The following CALN1 variants were observed in gnomAD, a reference collection of about 807,000 sequenced individuals.
CALN1 encodes the protein calneuron 1.
CALN1 carries 17 observed loss-of-function variants against 30.6 expected under a neutral mutation model. That is an observed-to-expected ratio of 0.56 (90% confidence interval 0.38 to 0.83). The LOEUF (loss-of-function observed/expected upper bound fraction) is 0.83, where lower values mean the gene tolerates loss of function less well. Ranked by LOEUF, CALN1 falls within the 40% of genes least tolerant of loss-of-function variation. The pLI is 0.00. For synonymous variants in CALN1, 156 were observed against 131.4 expected (o/e 1.19, Z -1.28); for missense variants, 291 against 354.9 (o/e 0.82, Z 1.45).
At chr7:72,141,398 G>A (rs945984475) in intron 3 of CALN1, among the ~76,000 whole-genome samples, 7 of 152,184 alleles carry the variant, frequency 4.6e-5, no homozygotes, top group East Asian at 1.9e-4. Context: ...TCAAGAGTTC[G>A]AGACCAGCCC....
intron 3 of CALN1, among the ~76,000 whole-genome samples, chr7:72,142,570 C>G (rs536848559): frequency 6.6e-6 from 1 of 152,196 alleles, no homozygotes; most frequent in Non-Finnish European, 1.5e-5. Context: ...CCGAACAAAA[C>G]GCAGCAGAAA....
intron 1 of CALN1, among the ~76,000 whole-genome samples, chr7:72,442,813 G>A (rs1167929414): frequency 6.6e-6 from 1 of 152,108 alleles, no homozygotes; most frequent in African/African-American, 2.4e-5. Flanking sequence ...ATTTAGAATT[G>A]CACTTTGTTA....
At chr7:72,427,388 C>G (rs533373889) in intron 1 of CALN1, among the ~76,000 whole-genome samples, 32 of 152,294 alleles carry the variant, frequency 2.1e-4, no homozygotes, top group African/African-American at 7.7e-4. Context: ...CTGTCCAGAC[C>G]TCTCAAGCAG....
chr7:71,952,641 G>A (rs1562931246), intron 5 of CALN1, among the ~76,000 whole-genome samples: 1 of 152,254 alleles, frequency 6.6e-6, no homozygotes, highest in East Asian at 1.9e-4. Flanking sequence ...AAGAAAGCTA[G>A]TGTAGATCGC....
At chr7:72,385,301 TACTCA>T (rs981595013) in intron 2 of CALN1, among the ~76,000 whole-genome samples, 52 of 152,290 alleles carry the variant, frequency 3.4e-4, no homozygotes, top group Middle Eastern at 3.4e-3. Context: ...CTCAGGTATT[TACTCA>T]ACTCATTTGA....
At chr7:71,894,132 A>T (rs1271408584) in intron 5 of CALN1, among the ~76,000 whole-genome samples, 2 of 152,186 alleles carry the variant, frequency 1.3e-5, no homozygotes, top group Non-Finnish European at 2.9e-5. Flanking sequence ...CTTGTGGAGT[A>T]ACCCTTAGTG....
intron 1 of CALN1, among the ~76,000 whole-genome samples, chr7:72,406,287 A>C (rs4615448): frequency 1.3e-5 from 2 of 152,066 alleles, no homozygotes; most frequent in Non-Finnish European, 2.9e-5. Flanking sequence ...GCATCTGCAC[A>C]TAAGACAGAC....
chr7:71,989,093 A>T (rs989807793), intron 5 of CALN1, among the ~76,000 whole-genome samples: 2 of 152,206 alleles, frequency 1.3e-5, no homozygotes, highest in African/African-American at 4.8e-5. Context: ...CTAATTTCCC[A>T]GAAGAATACA....
At chr7:72,227,857 C>T (rs538300404) in intron 3 of CALN1, among the ~76,000 whole-genome samples, 25 of 149,696 alleles carry the variant, frequency 1.7e-4, no homozygotes, top group African/African-American at 5.6e-4. Context: ...GCACCAGAAA[C>T]CCAGGAGAGC....
intron 5 of CALN1, chr7:71,942,194 TC>T (rs1176878023): frequency 1.2e-5 from 2 of 168,282 alleles, no homozygotes; most frequent in Non-Finnish European, 2.6e-5. Flanking sequence ...CAAGTCTCTG[TC>T]TCAAAAACGA....
chr7:72,477,574 C>T, the CALN1 span, among the ~76,000 whole-genome samples: 20 of 152,122 alleles, frequency 1.3e-4, no homozygotes, highest in Non-Finnish European at 2.1e-4. Flanking sequence ...AGCAACACCA[C>T]ATTCAGCTAA....
At chr7:72,113,253 C>T (rs951941102) in intron 3 of CALN1, among the ~76,000 whole-genome samples, 2 of 152,072 alleles carry the variant, frequency 1.3e-5, no homozygotes, top group African/African-American at 4.8e-5. Flanking sequence ...CAATTAGTTC[C>T]TGCAAGAGTT....
intron 2 of CALN1, among the ~76,000 whole-genome samples, chr7:72,287,024 C>A (rs913226021): frequency 2.0e-5 from 3 of 152,016 alleles, no homozygotes; most frequent in Non-Finnish European, 4.4e-5. Context: ...AGGAGAAATG[C>A]AAAAACAGTA....
At chr7:72,340,457 C>G (rs1347793864) in intron 2 of CALN1, among the ~76,000 whole-genome samples, 1 of 152,204 alleles carries the variant, frequency 6.6e-6, no homozygotes, top group Non-Finnish European at 1.5e-5. Flanking sequence ...CCTGTAGCCT[C>G]TGCCTCCCAC....
chr7:71,859,326 G>A (rs1284037270), intron 5 of CALN1, among the ~76,000 whole-genome samples: 1 of 152,172 alleles, frequency 6.6e-6, no homozygotes, highest in South Asian at 2.1e-4. Flanking sequence ...GCCTCCCAAA[G>A]TGCTGGGATT....
At position 72,284,665 on chromosome 7, in the gene CALN1, A is replaced by G. The variant is rs116991735; in HGVS notation, c.120-5855T>C. The stretch of plus-strand genomic sequence containing the variant: ...CAGACTTGGACTGGAGCTTTTCACT[A>G]TCTGATTCTCAGGTCTTCAAACCAG... On this transcript the variant is annotated intron_variant, in intron 2 of 6. Coordinates refer to ENST00000395275, the MANE Select transcript of CALN1 (RefSeq NM_031468.4). Among the ~76,000 whole-genome samples, 1,056 of 152,288 alleles carry G rather than the reference A, an allele frequency of 6.9e-3. 6 individuals are homozygous for G. The highest frequency in any genetic ancestry group is 0.011 in the Non-Finnish European group (768 of 68,024).
At position 72,355,698 on chromosome 7, in the gene CALN1, A is replaced by G. The variant is rs537705866; in HGVS notation, c.119+47553T>C. Among the ~76,000 whole-genome samples the G allele has an allele frequency of 3.9e-5, 6 of 152,308 alleles. No individual in the cohort carries two copies. The East Asian group carries it at 5.8e-4, about 15-fold the overall frequency. ...CAAAAATTATTCATAATACATATCCATTATTTCATTCTTATGAAATTCTAG... is the reference window on the plus strand; with the variant it reads ...CAAAAATTATTCATAATACATATCCGTTATTTCATTCTTATGAAATTCTAG... On this transcript the variant is annotated intron_variant, in intron 2 of 6. Coordinates refer to ENST00000395275, the MANE Select transcript of CALN1 (RefSeq NM_031468.4).
chr7:72,303,301 G>C (rs192769074), intron 2 of CALN1, among the ~76,000 whole-genome samples: 1 of 152,266 alleles, frequency 6.6e-6, no homozygotes, highest in East Asian at 1.9e-4. Context: ...TGAACTTCCA[G>C]CATCAGTGCA....
At chr7:71,986,348 G>A (rs73366259) in intron 5 of CALN1, among the ~76,000 whole-genome samples, 3,700 of 152,330 alleles carry the variant, frequency 0.024, 117 homozygotes, top group African/African-American at 0.082. Flanking sequence ...TTACAGGTGT[G>A]AGCCACTGTG....
Sources: allele counts gnomAD v4.1 joint callset (sites outside exome capture counted in the v4.1 genomes callset), GRCh38; gene constraint gnomAD v4.1.1; transcripts MANE v1.5; gene names NCBI Gene and HGNC (gene_info 2026-07-23, HGNC 2026-07-21).